The following PARD3B variants were observed in gnomAD, a reference collection of about 807,000 sequenced individuals.
The protein encoded by PARD3B is partitioning defective 3 homolog B.
PARD3B carries 103 observed loss-of-function variants against 130.2 expected under a neutral mutation model. That is an observed-to-expected ratio of 0.79 (90% confidence interval 0.67 to 0.93). The LOEUF (loss-of-function observed/expected upper bound fraction) is 0.93, where lower values mean the gene tolerates loss of function less well. PARD3B is among the 40% of genes least tolerant of loss of function. PARD3B has a pLI of 0.00. For synonymous variants in PARD3B, 583 were observed against 553.2 expected (o/e 1.05, Z -0.76); for missense variants, 1,609 against 1,499.2 (o/e 1.07, Z -1.21).
At chr2:205,399,074 G>A (rs938614719) in intron 18 of PARD3B, among the ~76,000 whole-genome samples, 2 of 151,960 alleles carry the variant, frequency 1.3e-5, no homozygotes, top group African/African-American at 2.4e-5. Flanking sequence ...TTCAAGACCA[G>A]CCTGGCCAAC....
At chr2:205,517,646 T>G (rs1187398377) in intron 21 of PARD3B, among the ~76,000 whole-genome samples, 2 of 152,186 alleles carry the variant, frequency 1.3e-5, no homozygotes, top group Admixed American at 1.3e-4. Context: ...CGTTCTTGCT[T>G]CTCTGATTCT....
intron 2 of PARD3B, among the ~76,000 whole-genome samples, chr2:204,857,814 G>T (rs1386338800): frequency 6.6e-6 from 1 of 152,152 alleles, no homozygotes; most frequent in Non-Finnish European, 1.5e-5. Context: ...CCAAGGGAAG[G>T]TGAGAATGGC....
At chr2:204,708,804 G>T (rs2038303181) in intron 2 of PARD3B, among the ~76,000 whole-genome samples, 2 of 151,766 alleles carry the variant, frequency 1.3e-5, no homozygotes, top group Admixed American at 6.6e-5. Flanking sequence ...TCTTTTCCTG[G>T]TGGCATTTTT....
At chr2:204,688,627 A>T (rs1283327067) in intron 2 of PARD3B, among the ~76,000 whole-genome samples, 1 of 151,366 alleles carries the variant, frequency 6.6e-6, no homozygotes, top group Non-Finnish European at 1.5e-5. Flanking sequence ...TATTTTTCTG[A>T]CAACCTTGGT....
intron 22 of PARD3B, among the ~76,000 whole-genome samples, chr2:205,569,388 T>C (rs1365382628): frequency 6.6e-6 from 1 of 152,220 alleles, no homozygotes; most frequent in Non-Finnish European, 1.5e-5. Context: ...GCCTTATAAT[T>C]TTTTGCTTTT....
At chr2:205,170,385 A>G (rs550009309) in intron 11 of PARD3B, among the ~76,000 whole-genome samples, 4 of 152,288 alleles carry the variant, frequency 2.6e-5, no homozygotes, top group African/African-American at 9.6e-5. Context: ...AAATGGGAAA[A>G]CAAGAGGAAG....
intron 16 of PARD3B, among the ~76,000 whole-genome samples, chr2:205,299,265 T>G (rs1415124560): frequency 6.6e-6 from 1 of 152,132 alleles, no homozygotes; most frequent in Non-Finnish European, 1.5e-5. Context: ...GCAGTGATAA[T>G]AGAAGCAAAA....
intron 3 of PARD3B, among the ~76,000 whole-genome samples, chr2:205,030,376 A>G (rs1697332663): frequency 1.3e-5 from 2 of 152,184 alleles, no homozygotes; most frequent in South Asian, 2.1e-4. Flanking sequence ...CATCTTTGTC[A>G]TTTAGAATTG....
intron 21 of PARD3B, among the ~76,000 whole-genome samples, chr2:205,545,848 TCTC>T (rs1003698549): frequency 6.6e-6 from 1 of 152,186 alleles, no homozygotes; most frequent in Non-Finnish European, 1.5e-5. Context: ...CATTATATCT[TCTC>T]CTCTGCCATT....
chr2:205,438,014 A>G (rs941289710), intron 19 of PARD3B, among the ~76,000 whole-genome samples: 14 of 151,994 alleles, frequency 9.2e-5, no homozygotes, highest in African/African-American at 3.1e-4. Context: ...TTCTGCCACC[A>G]TACACTCCTT....
intron 2 of PARD3B, among the ~76,000 whole-genome samples, chr2:204,844,309 G>A (rs2125592998): frequency 6.6e-6 from 1 of 152,150 alleles, no homozygotes; most frequent in South Asian, 2.1e-4. Context: ...CGATTAAATT[G>A]TAGCAGGAAA....
At chr2:204,801,032 G>A (rs916451856) in intron 2 of PARD3B, among the ~76,000 whole-genome samples, 1 of 151,842 alleles carries the variant, frequency 6.6e-6, no homozygotes, top group Admixed American at 6.6e-5. Flanking sequence ...AGATGTGTGG[G>A]GTCACTTCTG....
chr2:205,399,647 A>G (rs927443893), intron 18 of PARD3B, among the ~76,000 whole-genome samples: 1 of 152,052 alleles, frequency 6.6e-6, no homozygotes, highest in Non-Finnish European at 1.5e-5. Context: ...GAGCCACCAC[A>G]CCCAGCTGCA....
At chr2:204,854,877 G>A (rs1328565137) in intron 2 of PARD3B, among the ~76,000 whole-genome samples, 10 of 152,094 alleles carry the variant, frequency 6.6e-5, no homozygotes, top group African/African-American at 2.2e-4. Context: ...TAGGAACGAA[G>A]GTTTTTAATA....
At chr2:205,218,833 A>C (rs1374997724) in intron 15 of PARD3B, among the ~76,000 whole-genome samples, 1 of 152,138 alleles carries the variant, frequency 6.6e-6, no homozygotes, top group Non-Finnish European at 1.5e-5. Context: ...TAATCCAAGC[A>C]CTTTGGGAGG....
rs1044059629 is a variant in PARD3B at position 205,033,490 on chromosome 2, C to G, written c.395-14091C>G. On this transcript the variant is annotated intron_variant, in intron 3 of 22. Transcript: ENST00000406610. ...AGGCTTTCTGGTAATGTTTTCTAACCGTATTCTGTAGTTTCCTCAATCAGT... is the reference window on the plus strand; with the variant it reads ...AGGCTTTCTGGTAATGTTTTCTAACGGTATTCTGTAGTTTCCTCAATCAGT... Among the ~76,000 whole-genome samples the G allele has an allele frequency of 2.6e-5, 4 of 152,046 alleles. No individual in the cohort carries two copies. In the South Asian group the frequency reaches 8.3e-4, roughly 32 times the overall value.
intron 3 of PARD3B, among the ~76,000 whole-genome samples, chr2:204,990,329 C>T (rs1693549531): frequency 6.6e-6 from 1 of 151,502 alleles, no homozygotes; most frequent in Admixed American, 6.6e-5. Context: ...TATATGCATA[C>T]AATGCATAAT....
At chr2:205,083,897 C>T (rs1701588021) in intron 4 of PARD3B, among the ~76,000 whole-genome samples, 1 of 152,076 alleles carries the variant, frequency 6.6e-6, no homozygotes, top group South Asian at 2.1e-4. Flanking sequence ...TGTTTATTTT[C>T]CCATTTCATA....
chr2:204,771,536 G>T lies in PARD3B; in HGVS notation c.222+85254G>T, dbSNP rs574082688. ...AGGAGTACTAGGGCAGGGAAGGAGG[G>T]GGGCAAGGGTTGAAAAACTACCTGT... is the stretch of plus-strand genomic sequence containing the variant. On this transcript the variant is annotated intron_variant, in intron 2 of 22. Coordinates refer to ENST00000406610, the MANE Select transcript of PARD3B (RefSeq NM_001302769.2). Among the ~76,000 whole-genome samples the T allele has an allele frequency of 2.0e-5, 3 of 152,150 alleles. No homozygotes were observed. In the South Asian group the frequency reaches 6.2e-4, roughly 32 times the overall value.
Sources: allele counts gnomAD v4.1 joint callset (sites outside exome capture counted in the v4.1 genomes callset), GRCh38; gene constraint gnomAD v4.1.1; transcripts MANE v1.5; gene names NCBI Gene and HGNC (gene_info 2026-07-23, HGNC 2026-07-21).